Variants in AKR1C2 observed in about 807,000 individuals in gnomAD.
AKR1C2 encodes aldo-keto reductase family 1 member C2.
Under a neutral mutation model 39.8 loss-of-function variants are expected in AKR1C2, and 27 were observed. The ratio of observed to expected loss-of-function variants is 0.68; its 90% confidence interval spans 0.50 to 0.93. The LOEUF (loss-of-function observed/expected upper bound fraction) is 0.93. Ranked by LOEUF, AKR1C2 falls within the 40% of genes least tolerant of loss-of-function variation. The probability of loss-of-function intolerance (pLI) is 0.00; values close to 1 mark genes in which losing one functional copy is unlikely to be tolerated. For missense variants in AKR1C2, 263 were observed against 365.1 expected, an observed-to-expected ratio of 0.72 and a Z score of 2.28; for synonymous variants, 114 against 137.9, an observed-to-expected ratio of 0.83 and a Z score of 1.22.
upstream of AKR1C2, chr10:5,007,632 C>T (rs1216564329): frequency 4.0e-5 from 6 of 150,176 alleles, no homozygotes; most frequent in Non-Finnish European, 8.9e-5. Context: ...AAGCTGCAGA[C>T]ATAAATTTCA....
At position 4,989,268 on chromosome 10, in the gene AKR1C2, G is replaced by T. The variant is rs1350067128; in HGVS notation, c.*728C>A. On this transcript the variant is annotated 3_prime_UTR_variant, in exon 9 of 9. Transcript: ENST00000380753. Reference sequence around the variant, plus strand: ...GATTCAGGCCTGACTCTCAGCTGTGGGGTTTGTTAAAACAATGTGGAAAGT... The same window carrying T: ...GATTCAGGCCTGACTCTCAGCTGTGTGGTTTGTTAAAACAATGTGGAAAGT... 2 of 152,136 alleles carry T rather than the reference G, an allele frequency of 1.3e-5. No homozygotes were observed. Among genetic ancestry groups the T allele is most frequent in the East Asian group, 3.8e-4 (2 of 5,200 alleles). The allele number at this position is 152,136 out of a possible 1,614,324, so 9.4% of individuals were successfully genotyped here.
chr10:5,007,607 G>A (rs1837432090), upstream of AKR1C2: 1 of 149,808 alleles, frequency 6.7e-6, no homozygotes, highest in Admixed American at 6.7e-5. Context: ...GTTAGTTGAG[G>A]ATATAAAGGA....
intron 1 of AKR1C2, among the ~76,000 whole-genome samples, chr10:5,013,797 G>A (rs1837574114): frequency 1.3e-5 from 2 of 152,178 alleles, no homozygotes; most frequent in African/African-American, 2.4e-5. Flanking sequence ...AGCATCACCA[G>A]TATACATATA....
At chr10:5,017,526 A>G (rs1181833755) in intron 1 of AKR1C2, among the ~76,000 whole-genome samples, 1 of 152,170 alleles carries the variant, frequency 6.6e-6, no homozygotes. Context: ...CCAGTTCCCA[A>G]TAAGTTTCTC....
intron 1 of AKR1C2, chr10:5,010,509 G>C (rs2131724124): frequency 6.6e-6 from 1 of 152,142 alleles, no homozygotes; most frequent in South Asian, 2.1e-4. Flanking sequence ...AACTCCCAGG[G>C]CAACAGGACA....
intron 2 of AKR1C2, 95 bp from the exon 3 acceptor site, chr10:5,000,761 A>T: frequency 8.7e-7 from 1 of 1,151,236 alleles, no homozygotes; most frequent in Non-Finnish European, 1.3e-6. Flanking sequence ...CTACTACTTC[A>T]AAACTAATGA....
Position 5,001,647 on chromosome 10 carries a change from A to C in AKR1C2, c.119T>G (p.Leu40Trp), listed in dbSNP as rs1837277436. Reference sequence around the variant, plus strand: ...ATGGTGGAACCCGGCTTCTATTGCCAATTTGACGGCCTCTAGAGCTTTACT... The same window carrying C: ...ATGGTGGAACCCGGCTTCTATTGCCCATTTGACGGCCTCTAGAGCTTTACT... ...PKSKALEAVK[L>W]AIEAGFHHID... is the part of the protein sequence containing the mutation. Residue 40 changes from leucine to tryptophan, a missense_variant, in exon 2 of 9, where the codon TTG (leucine) becomes TGG (tryptophan). Around this residue, in one of 3 missense-constraint regions of AKR1C2, gnomAD observed 247 missense variants for 267.9 expected, o/e 0.92. Transcript: ENST00000380753. 1 of 1,613,802 alleles carries C rather than the reference A, an allele frequency of 6.2e-7. No individual in the cohort carries two copies. Among genetic ancestry groups the C allele is most frequent in the Non-Finnish European group, 8.5e-7 (1 of 1,179,818 alleles).
rs182132308 is a variant in AKR1C2, at chr10:4,990,202, A to T, written c.930-164T>A. ...TTTGTTTAATGAACGTGACTTTATC[A>T]TATCTGTATTTTCAAAATAAAGAAT... On this transcript the variant is annotated intron_variant, in intron 8 of 8. Transcript: ENST00000380753. Among the ~76,000 whole-genome samples the T allele has an allele frequency of 3.3e-5, 5 of 152,320 alleles. No individual in the cohort carries two copies. In the East Asian group the frequency reaches 9.6e-4, roughly 29 times the overall value.
In AKR1C2 at chr10:5,016,529, G is replaced by T. The variant is rs1255540959; in HGVS notation, c.-88+1371C>A. Among the ~76,000 whole-genome samples, 4 of 152,332 alleles carry T rather than the reference G, an allele frequency of 2.6e-5. 1 individual carries two copies. The East Asian group carries it at 5.8e-4, about 22-fold the overall frequency. Reference sequence around the variant, plus strand: ...ACTAATGCAAGAGGTGGGCTCCCAGGGTCTTGGGCAGCTCTACCTCTGTGG... The same window carrying T: ...ACTAATGCAAGAGGTGGGCTCCCAGTGTCTTGGGCAGCTCTACCTCTGTGG... On this transcript the variant is annotated intron_variant, in intron 1 of 6. Transcript: ENST00000604507.
rs1205803342 is a variant in AKR1C2, at chr10:4,990,047, A to G, written c.930-9T>C. 6.3e-7 allele frequency: 1 copy of G among 1,596,728 alleles called. No individual in the cohort carries two copies. Among genetic ancestry groups the G allele is most frequent in the African/African-American group, 1.3e-5 (1 of 74,204 alleles). ...TAGGGGGGCCAGCAAAACTGGAAAG[A>G]GAAAAAAAAATGCACACTCTGAATG... On this transcript the variant is annotated splice_polypyrimidine_tract_variant and intron_variant, in intron 8 of 8. Coordinates refer to ENST00000380753, the MANE Select transcript of AKR1C2 (RefSeq NM_001393392.1).
rs1472858957 is a variant in AKR1C2 at position 4,988,501 on chromosome 10, T to C, written c.*1495A>G. 1.3e-5 allele frequency: 2 copies of C among 152,058 alleles called. No homozygotes were observed. The highest frequency in any genetic ancestry group is 2.4e-5 in the African/African-American group (1 of 41,382). 9.4% of individuals were successfully genotyped at this position (152,058 alleles called of 1,614,324 possible). On this transcript the variant is annotated 3_prime_UTR_variant, in exon 9 of 9. Coordinates refer to ENST00000380753, the MANE Select transcript of AKR1C2 (RefSeq NM_001393392.1). ...TCTAAGATCATCAACGGAATGAGAG[T>C]AGACCAGAAATAATCCAAAAAATTG...
At chr10:5,013,366 G>T (rs1837562950) in intron 1 of AKR1C2, 1 of 152,226 alleles carries the variant, frequency 6.6e-6, no homozygotes, top group Non-Finnish European at 1.5e-5. Flanking sequence ...ACATAACCGT[G>T]TCATGGCTAG....
At chr10:5,007,552 G>A (rs1277283453), upstream of AKR1C2, 66 of 149,908 alleles carry the variant, frequency 4.4e-4, no homozygotes, top group South Asian at 1.3e-3. Context: ...AAATTGAAAC[G>A]GGAATCCAGA....
Position 5,000,660 on chromosome 10 carries a change from T to C in AKR1C2, c.259A>G (p.Ser87Gly). The C allele has an allele frequency of 6.2e-7, 1 of 1,613,166 alleles. No homozygotes were observed. The highest frequency in any genetic ancestry group is 8.5e-7 in the Non-Finnish European group (1 of 1,179,642). The change falls in exon 3 of 9, where the codon AGC becomes GGC. Residue 87 changes from serine to glycine, a missense_variant. Ser to Gly is a moderately conservative substitution (Grantham distance 56). Coordinates refer to ENST00000380753, the MANE Select transcript of AKR1C2 (RefSeq NM_001393392.1). ...EDIFYTSKLW[S>G]NSHRPELVRP... ...ACCAACTCTGGTCGATGGGAATTGCTCCAAAGCTGCAGAGGTTAGAGAAAC... is the reference window on the plus strand; with the variant it reads ...ACCAACTCTGGTCGATGGGAATTGCCCCAAAGCTGCAGAGGTTAGAGAAAC...
intron 8 of AKR1C2, among the ~76,000 whole-genome samples, chr10:4,990,600 T>C (rs1373179383): frequency 2.0e-5 from 3 of 152,186 alleles, no homozygotes; most frequent in East Asian, 1.9e-4. Context: ...AGAGCTACAA[T>C]GCATAAACCA....
intron 5 of AKR1C2, among the ~76,000 whole-genome samples, chr10:4,996,843 A>T (rs1294755772): frequency 2.0e-5 from 3 of 152,062 alleles, no homozygotes; most frequent in African/African-American, 4.8e-5. Context: ...CAAGTGGTTA[A>T]AATTGTAAAT....
At chr10:4,990,071 T>C (rs1836780896) in intron 8 of AKR1C2, 33 bp from the exon 9 acceptor site, 3 of 1,608,936 alleles carry the variant, frequency 1.9e-6, no homozygotes, top group Non-Finnish European at 1.7e-6. Flanking sequence ...ACACTCTGAA[T>C]GGCAATGACT....
At chr10:5,000,104 G>C in intron 3 of AKR1C2, 1 of 1,166,816 alleles carries the variant, frequency 8.6e-7, no homozygotes, top group Non-Finnish European at 1.1e-6. Context: ...ATGAAGGTTT[G>C]TAGTTTAAGA....
intron 7 of AKR1C2, among the ~76,000 whole-genome samples, chr10:4,992,837 C>G (rs1163813822): frequency 6.6e-6 from 1 of 152,092 alleles, no homozygotes; most frequent in African/African-American, 2.4e-5. Flanking sequence ...GCAGTCCCAG[C>G]TACTCTGGAG....
Sources: allele counts gnomAD v4.1 joint callset (sites outside exome capture counted in the v4.1 genomes callset), GRCh38; gene constraint gnomAD v4.1.1; regional missense constraint gnomAD v4.1.1; transcripts MANE v1.5; gene names NCBI Gene and HGNC (gene_info 2026-07-23, HGNC 2026-07-21).